HFM1: variants seen among roughly 807,000 people sequenced by gnomAD.
HFM1 encodes the protein helicase for meiosis 1.
Under a neutral mutation model 192.1 loss-of-function variants are expected in HFM1, and 169 were observed. That is an observed-to-expected ratio of 0.88 (90% CI 0.78 to 1.00). The LOEUF is 1.00. HFM1 is among the 50% of genes least tolerant of loss of function. HFM1 has a pLI of 0.00. For missense variants in HFM1, 1,661 were observed against 1,668.0 expected (o/e 1.00, Z 0.07); for synonymous variants, 525 against 537.8 (o/e 0.98, Z 0.33).
intron 20 of HFM1, chr1:91,329,581 C>G: frequency 1.7e-6 from 2 of 1,168,978 alleles, no homozygotes; most frequent in East Asian, 5.1e-5. Flanking sequence ...CCCTTAAGAG[C>G]TACAGCTAGA....
chr1:91,355,568 T>A (rs948476303), intron 13 of HFM1, among the ~76,000 whole-genome samples: 1 of 152,264 alleles, frequency 6.6e-6, no homozygotes, highest in South Asian at 2.1e-4. Flanking sequence ...AGGGTGGCTA[T>A]TCTTACATCA....
chr1:91,352,726 A>G (rs1657121010), intron 15 of HFM1, 75 bp from the exon 16 acceptor site: 1 of 1,108,852 alleles, frequency 9.0e-7, no homozygotes. Context: ...AATAAAAGAC[A>G]TTCTTATAAA....
chr1:91,331,175 A>G (rs917009260), intron 20 of HFM1, among the ~76,000 whole-genome samples: 1 of 152,252 alleles, frequency 6.6e-6, no homozygotes, highest in African/African-American at 2.4e-5. Flanking sequence ...TTGGAAAGGA[A>G]GAAGTCAAAT....
At chr1:91,376,831 G>C (rs1197014985) in intron 11 of HFM1, among the ~76,000 whole-genome samples, 1 of 151,768 alleles carries the variant, frequency 6.6e-6, no homozygotes, top group African/African-American at 2.4e-5. Context: ...TGGTAGAAGT[G>C]TAAATGAATA....
At chr1:91,275,129 G>A (rs1403491120) in intron 32 of HFM1, among the ~76,000 whole-genome samples, 1 of 151,844 alleles carries the variant, frequency 6.6e-6, no homozygotes, top group African/African-American at 2.4e-5. Flanking sequence ...GATTACAGGT[G>A]CCCACCACCA....
At chr1:91,386,686 G>A (rs1212684940) in intron 4 of HFM1, among the ~76,000 whole-genome samples, 1 of 151,854 alleles carries the variant, frequency 6.6e-6, no homozygotes, top group Non-Finnish European at 1.5e-5. Flanking sequence ...ACAGTAAATA[G>A]TAAATTTCAT....
intron 35 of HFM1, 128 bp downstream of exon 35, chr1:91,267,617 T>A: frequency 1.8e-6 from 1 of 541,104 alleles, no homozygotes; most frequent in Non-Finnish European, 3.2e-6. Flanking sequence ...AAAATTATAA[T>A]CTTAACAAAC....
intron 32 of HFM1, among the ~76,000 whole-genome samples, chr1:91,276,118 T>G (rs1666779896): frequency 6.6e-6 from 1 of 152,172 alleles, no homozygotes; most frequent in South Asian, 2.1e-4. Context: ...TCTCTATGCT[T>G]GGAATATTTA....
chr1:91,315,261 GA>G, intron 28 of HFM1, among the ~76,000 whole-genome samples: 1 of 152,126 alleles, frequency 6.6e-6, no homozygotes, highest in South Asian at 2.1e-4. Flanking sequence ...AGCTGCAACT[GA>G]TATCCTTAGA....
At chr1:91,297,182 C>G (rs1331806875) in intron 30 of HFM1, among the ~76,000 whole-genome samples, 2 of 152,184 alleles carry the variant, frequency 1.3e-5, no homozygotes, top group Non-Finnish European at 2.9e-5. Flanking sequence ...AGCCACAGAG[C>G]CTCGCTCATT....
rs1050006603 is a variant in HFM1, at chr1:91,271,415, T to G, written c.3772+2297A>C. Among the ~76,000 whole-genome samples the G allele has an allele frequency of 5.3e-5, 8 of 152,266 alleles. No homozygotes were observed. In the South Asian group the frequency reaches 1.0e-3, roughly 20 times the overall value. On this transcript the variant is annotated intron_variant, in intron 34 of 38. Transcript: ENST00000370425. ...TTTCAGTTTACTTGAGACAATTGGT[T>G]CCTTTTCTTGTGCTTAAGTCATTTT... is the stretch of plus-strand genomic sequence containing the variant.
At chr1:91,329,114 T>G (rs1653401248) in intron 20 of HFM1, 1 of 1,609,942 alleles carries the variant, frequency 6.2e-7, no homozygotes, top group East Asian at 2.2e-5. Context: ...CCAAGCGGGC[T>G]GTGGATCTAA....
chr1:91,335,206 G>A (rs1365756764), intron 20 of HFM1, among the ~76,000 whole-genome samples: 1 of 152,144 alleles, frequency 6.6e-6, no homozygotes, highest in Non-Finnish European at 1.5e-5. Context: ...TAGGATCCTG[G>A]TGAATATGTT....
intron 34 of HFM1, among the ~76,000 whole-genome samples, chr1:91,271,006 T>C (rs1666239482): frequency 6.6e-6 from 1 of 152,130 alleles, no homozygotes; most frequent in Non-Finnish European, 1.5e-5. Context: ...TCCCTTCTTT[T>C]AGTGGGAGTA....
At chr1:91,310,886 G>A (rs1221532377) in intron 30 of HFM1, among the ~76,000 whole-genome samples, 1 of 152,192 alleles carries the variant, frequency 6.6e-6, no homozygotes, top group Non-Finnish European at 1.5e-5. Context: ...TTTATCAGCA[G>A]TGTGAAAACA....
intron 20 of HFM1, chr1:91,328,365 C>T: frequency 6.4e-7 from 1 of 1,557,506 alleles, no homozygotes; most frequent in Non-Finnish European, 8.7e-7. Context: ...GCCAGTCATC[C>T]CTCCTCTGTG....
chr1:91,289,618 G>C lies in HFM1; in HGVS notation c.3392-12556C>G, dbSNP rs563159832. 4.6e-4 allele frequency among the ~76,000 whole-genome samples: 70 copies of C among 152,306 alleles called. 1 individual carries two copies. The highest frequency in any genetic ancestry group is 4.7e-4 in the Non-Finnish European group (32 of 68,022). On this transcript the variant is annotated intron_variant, in intron 30 of 38. Coordinates refer to ENST00000370425, the MANE Select transcript of HFM1 (RefSeq NM_001017975.6). Reference sequence around the variant, plus strand: ...ACTCCGTCTGCAATCCTGGCACCTTGGGAGGCTGAGGCTGGCAGAACACTC... The same window carrying C: ...ACTCCGTCTGCAATCCTGGCACCTTCGGAGGCTGAGGCTGGCAGAACACTC...
intron 34 of HFM1, among the ~76,000 whole-genome samples, chr1:91,269,874 G>A (rs1404531478): frequency 6.6e-6 from 1 of 152,080 alleles, no homozygotes; most frequent in African/African-American, 2.4e-5. Flanking sequence ...GAGAATTTGG[G>A]GAGAACTGTA....
At chr1:91,405,618 C>G (rs1032726221), upstream of HFM1, among the ~76,000 whole-genome samples, 1 of 152,126 alleles carries the variant, frequency 6.6e-6, no homozygotes, top group African/African-American at 2.4e-5. Flanking sequence ...ACCTTTAAGT[C>G]TTAATTCTGC....
Sources: gnomAD v4.1 joint callset for allele counts (sites outside exome capture counted in the v4.1 genomes callset) on GRCh38, gnomAD v4.1.1 for gene constraint, MANE v1.5 for transcripts, NCBI Gene and HGNC (gene_info 2026-07-23, HGNC 2026-07-21) for gene names.